COX10: variants seen among roughly 807,000 people sequenced by gnomAD.
The protein encoded by COX10 is cytochrome c oxidase assembly factor heme A:farnesyltransferase COX10.
COX10 carries 27 observed loss-of-function variants against 37.3 expected under a neutral mutation model. That is an observed-to-expected ratio of 0.72 (90% CI 0.53 to 1.00). COX10 has a LOEUF of 1.00. Ranked by LOEUF, COX10 falls within the 50% of genes least tolerant of loss-of-function variation. The probability of loss-of-function intolerance (pLI) is 0.00; values close to 1 mark genes in which losing one functional copy is unlikely to be tolerated. For missense variants in COX10, 475 were observed against 563.2 expected (o/e 0.84, Z 1.59); for synonymous variants, 222 against 229.1 (o/e 0.97, Z 0.28).
chr17:14,106,458 A>G (rs1182056692), intron 4 of COX10, among the ~76,000 whole-genome samples: 2 of 152,204 alleles, frequency 1.3e-5, no homozygotes, highest in East Asian at 1.9e-4. Flanking sequence ...AAATCTTTGC[A>G]TATATCCTTA....
chr17:14,117,721 G>A (rs571924112), intron 4 of COX10, among the ~76,000 whole-genome samples: 2 of 152,308 alleles, frequency 1.3e-5, no homozygotes, highest in Admixed American at 6.5e-5. Flanking sequence ...TGAAACCCAA[G>A]TGGGCATATG....
At chr17:14,101,914 A>G (rs1356730290) in intron 3 of COX10, among the ~76,000 whole-genome samples, 1 of 152,228 alleles carries the variant, frequency 6.6e-6, no homozygotes, top group Non-Finnish European at 1.5e-5. Context: ...TTAAAAGAAA[A>G]TTAACATTTT....
chr17:14,080,461 C>T (rs890444387), intron 3 of COX10, among the ~76,000 whole-genome samples: 2 of 152,072 alleles, frequency 1.3e-5, no homozygotes, highest in Non-Finnish European at 2.9e-5. Flanking sequence ...GATCCACCCG[C>T]CTCGGCCTCC....
intron 4 of COX10, among the ~76,000 whole-genome samples, chr17:14,146,693 T>A (rs958215898): frequency 1.3e-5 from 2 of 152,000 alleles, no homozygotes; most frequent in Non-Finnish European, 2.9e-5. Context: ...ATCAACAAAG[T>A]GAAGAGACAA....
At chr17:14,151,837 T>C (rs150696103) in intron 4 of COX10, among the ~76,000 whole-genome samples, 1 of 152,214 alleles carries the variant, frequency 6.6e-6, no homozygotes, top group African/African-American at 2.4e-5. Context: ...ATATGGACTC[T>C]AACAGGCTAA....
chr17:14,084,891 C>G (rs1286556056), intron 3 of COX10, among the ~76,000 whole-genome samples: 1 of 152,156 alleles, frequency 6.6e-6, no homozygotes, highest in East Asian at 1.9e-4. Flanking sequence ...AACTCCTGAC[C>G]TCAGGTGATC....
intron 5 of COX10, among the ~76,000 whole-genome samples, chr17:14,180,917 T>G (rs1269621454): frequency 2.6e-5 from 4 of 152,142 alleles, no homozygotes; most frequent in Non-Finnish European, 5.9e-5. Context: ...TGGGCACCAT[T>G]CTTAAGTTCA....
intron 5 of COX10, among the ~76,000 whole-genome samples, chr17:14,171,400 C>T (rs962581660): frequency 6.6e-6 from 1 of 151,960 alleles, no homozygotes; most frequent in Non-Finnish European, 1.5e-5. Context: ...TGGTGCTCGA[C>T]CCTGGAGGTG....
At chr17:14,111,938 A>G (rs1916012393) in intron 4 of COX10, among the ~76,000 whole-genome samples, 1 of 152,154 alleles carries the variant, frequency 6.6e-6, no homozygotes, top group Admixed American at 6.6e-5. Context: ...CCAGATTCTC[A>G]GTTCTTATAA....
At chr17:14,141,197 C>A (rs1306217728) in intron 4 of COX10, among the ~76,000 whole-genome samples, 2 of 152,012 alleles carry the variant, frequency 1.3e-5, no homozygotes, top group African/African-American at 2.4e-5. Context: ...AATTTCCACT[C>A]CTCCTCCCCA....
chr17:14,102,584 T>C (rs1385639398), intron 4 of COX10, among the ~76,000 whole-genome samples: 1 of 152,162 alleles, frequency 6.6e-6, no homozygotes, highest in Non-Finnish European at 1.5e-5. Context: ...CATTGTGCAC[T>C]ACTCTTTCTT....
chr17:14,126,104 G>T (rs999450082), intron 4 of COX10, among the ~76,000 whole-genome samples: 9 of 151,050 alleles, frequency 6.0e-5, no homozygotes, highest in African/African-American at 9.7e-5. Context: ...TCATTGCTGG[G>T]TTTTTTTTTC....
At chr17:14,136,560 C>G (rs1265229842) in intron 4 of COX10, among the ~76,000 whole-genome samples, 1 of 151,974 alleles carries the variant, frequency 6.6e-6, no homozygotes, top group Admixed American at 6.6e-5. Context: ...AGACTTTGGC[C>G]GTTTGAATCC....
At chr17:14,085,274 G>A (rs2142188484) in intron 3 of COX10, among the ~76,000 whole-genome samples, 1 of 152,202 alleles carries the variant, frequency 6.6e-6, no homozygotes, top group Non-Finnish European at 1.5e-5. Flanking sequence ...TGCATAGATA[G>A]TTTCTATTTT....
At chr17:14,125,351 G>A (rs78628284) in intron 4 of COX10, among the ~76,000 whole-genome samples, 11 of 152,214 alleles carry the variant, frequency 7.2e-5, no homozygotes, top group Non-Finnish European at 7.4e-5. Context: ...GTTGTTATTT[G>A]TAATGTTTAC....
At chr17:14,101,801 C>A (rs955716778) in intron 3 of COX10, among the ~76,000 whole-genome samples, 1 of 152,110 alleles carries the variant, frequency 6.6e-6, no homozygotes, top group Admixed American at 6.6e-5. Flanking sequence ...CCTGGCAGTG[C>A]GTACTGATTA....
chr17:14,133,447 T>G (rs981187071), intron 4 of COX10, among the ~76,000 whole-genome samples: 8 of 151,664 alleles, frequency 5.3e-5, no homozygotes, highest in Non-Finnish European at 1.0e-4. Flanking sequence ...GAGTTTCTTG[T>G]TAAAAGTAAT....
chr17:14,136,560 C>T (rs1265229842), intron 4 of COX10, among the ~76,000 whole-genome samples: 3 of 151,974 alleles, frequency 2.0e-5, no homozygotes, highest in Non-Finnish European at 2.9e-5. Flanking sequence ...AGACTTTGGC[C>T]GTTTGAATCC....
At chr17:14,121,746 G>A (rs969935529) in intron 4 of COX10, among the ~76,000 whole-genome samples, 2 of 152,110 alleles carry the variant, frequency 1.3e-5, no homozygotes, top group Non-Finnish European at 2.9e-5. Flanking sequence ...AAGTGATATA[G>A]AATATCATAG....
Sources: allele counts gnomAD v4.1 joint callset (sites outside exome capture counted in the v4.1 genomes callset), GRCh38; gene constraint gnomAD v4.1.1; transcripts MANE v1.5; gene names NCBI Gene and HGNC (gene_info 2026-07-23, HGNC 2026-07-21).